Variants in KLF17 observed in about 807,000 individuals in gnomAD.
KLF17 encodes KLF transcription factor 17.
In KLF17, 31 loss-of-function variants were observed where a neutral mutation model predicts 34.2. That is an observed-to-expected ratio of 0.91 (90% confidence interval 0.68 to 1.22). KLF17 has a LOEUF of 1.22. KLF17 is among the 50% of genes most tolerant of loss of function. The pLI, the probability that KLF17 is intolerant of heterozygous loss-of-function variation, is 0.00. For synonymous variants in KLF17, 179 were observed against 186.7 expected (o/e 0.96, Z 0.34); for missense variants, 478 against 505.2 (o/e 0.95, Z 0.52).
intron 3 of KLF17, among the ~76,000 whole-genome samples, 170 bp downstream of exon 3, chr1:44,130,926 G>C (rs1373657336): frequency 6.6e-6 from 1 of 152,142 alleles, no homozygotes; most frequent in South Asian, 2.1e-4. Context: ...CTCCCGAGTA[G>C]CTAGGACTAC....
the KLF17 span, among the ~76,000 whole-genome samples, chr1:44,081,421 T>C: frequency 6.6e-6 from 1 of 151,526 alleles, no homozygotes; most frequent in Non-Finnish European, 1.5e-5. Flanking sequence ...ATGGTAGTTT[T>C]TTTTTTTTTT....
At chr1:44,076,080 C>T in the KLF17 span, 1 of 152,182 alleles carries the variant, frequency 6.6e-6, no homozygotes, top group Non-Finnish European at 1.5e-5. Flanking sequence ...GCCTTCTTTT[C>T]TCTTTCTAAG....
the KLF17 span, among the ~76,000 whole-genome samples, chr1:44,107,395 G>A: frequency 1.1e-4 from 17 of 152,266 alleles, no homozygotes; most frequent in South Asian, 2.9e-3. Flanking sequence ...GTGAGCCACC[G>A]CGCCTGGCTG....
chr1:44,090,000 A>T, the KLF17 span, among the ~76,000 whole-genome samples: 1 of 151,808 alleles, frequency 6.6e-6, no homozygotes, highest in African/African-American at 2.4e-5. Flanking sequence ...TGTCCCTACT[A>T]AAAATGCAAA....
chr1:44,080,186 C>T, the KLF17 span, among the ~76,000 whole-genome samples: 1 of 150,178 alleles, frequency 6.7e-6, no homozygotes. Flanking sequence ...CTTAGCCTCC[C>T]AAAGTGCTAA....
Position 44,133,949 on chromosome 1 carries a change from T to A in KLF17, c.*712T>A, listed in dbSNP as rs1178097779. 1.3e-5 allele frequency: 2 copies of A among 152,252 alleles called. No homozygotes were observed. The highest frequency in any genetic ancestry group is 4.8e-5 in the African/African-American group (2 of 41,438). 9.4% of individuals were successfully genotyped at this position (152,252 alleles called of 1,614,324 possible). ...AGTGTCTTTCTACCAGGGCACCAGA[T>A]CCCTTCCATGGAGCAGGTCATCTCG... On this transcript the variant is annotated 3_prime_UTR_variant, in exon 4 of 4. Transcript: ENST00000372299.
At chr1:44,086,330 G>C in the KLF17 span, among the ~76,000 whole-genome samples, 1 of 152,346 alleles carries the variant, frequency 6.6e-6, no homozygotes, top group Admixed American at 6.5e-5. Context: ...GCCAGGCGTG[G>C]TGGCGCATGC....
chr1:44,081,109 A>G, the KLF17 span, among the ~76,000 whole-genome samples: 1 of 151,714 alleles, frequency 6.6e-6, no homozygotes, highest in Non-Finnish European at 1.5e-5. Context: ...ATACCACTGT[A>G]AGATAGAGTA....
At chr1:44,076,641 C>T in the KLF17 span, 1 of 151,982 alleles carries the variant, frequency 6.6e-6, no homozygotes, top group Admixed American at 6.6e-5. Flanking sequence ...GGTTGGCTAA[C>T]TTTTCCTATG....
At chr1:44,099,831 A>G in the KLF17 span, among the ~76,000 whole-genome samples, 8 of 9,334 alleles carry the variant, frequency 8.6e-4, no homozygotes, top group Non-Finnish European at 1.3e-3. Flanking sequence ...AAAAAGAAGA[A>G]AGAAAGAAAG....
chr1:44,130,184 C>T lies in KLF17; in HGVS notation c.913C>T (p.Arg305Cys), dbSNP rs781319287. The stretch of plus-strand genomic sequence containing the variant: ...ACGCTCCCACCTCGTGAGCCACCAG[C>T]GCAAGCACACAGGTGAAGGAGGTGT... ...TKRSHLVSHQ[R>C]KHTGERPYSC... Residue 305 changes from arginine to cysteine, a missense_variant, in exon 2 of 4, where the codon CGC becomes TGC. Transcript: ENST00000372299. 11 of 1,611,188 alleles carry T rather than the reference C, an allele frequency of 6.8e-6. No homozygotes were observed. The highest frequency in any genetic ancestry group is 3.3e-5 in the South Asian group (3 of 90,738).
chr1:44,087,377 T>A, the KLF17 span, among the ~76,000 whole-genome samples: 1 of 151,766 alleles, frequency 6.6e-6, no homozygotes, highest in African/African-American at 2.4e-5. Flanking sequence ...TACCTCAGCC[T>A]CCCAAGTAGC....
the KLF17 span, among the ~76,000 whole-genome samples, chr1:44,059,954 A>G: frequency 6.6e-6 from 1 of 152,052 alleles, no homozygotes; most frequent in Non-Finnish European, 1.5e-5. Flanking sequence ...CTGGAAAACA[A>G]GACTGTTTGA....
the KLF17 span, among the ~76,000 whole-genome samples, chr1:44,109,238 G>T: frequency 1.3e-5 from 2 of 152,142 alleles, no homozygotes; most frequent in Non-Finnish European, 2.9e-5. Flanking sequence ...AGATTATAAA[G>T]ATTTAAATTA....
intron 1 of KLF17, among the ~76,000 whole-genome samples, chr1:44,127,352 G>A (rs563591814): frequency 4.6e-5 from 7 of 152,116 alleles, no homozygotes; most frequent in Non-Finnish European, 7.4e-5. Context: ...ATAGAAGCCC[G>A]TCCAGTGTCC....
At chr1:44,104,034 G>T in the KLF17 span, 1 of 866,960 alleles carries the variant, frequency 1.2e-6, no homozygotes, top group Non-Finnish European at 2.0e-6. Flanking sequence ...GTTGTCCATG[G>T]ACAGCACCAC....
At chr1:44,067,820 T>C in the KLF17 span, among the ~76,000 whole-genome samples, 10 of 144,648 alleles carry the variant, frequency 6.9e-5, no homozygotes, top group East Asian at 2.1e-3. Context: ...GGGGGAAGGG[T>C]GGGGATAACC....
chr1:44,090,684 CAGCGT>C, the KLF17 span, among the ~76,000 whole-genome samples: 2 of 152,090 alleles, frequency 1.3e-5, no homozygotes, highest in East Asian at 3.8e-4. Flanking sequence ...CTGAAAAGGG[CAGCGT>C]AGCCTCAAGG....
the KLF17 span, among the ~76,000 whole-genome samples, chr1:44,081,708 A>G: frequency 6.6e-6 from 1 of 152,134 alleles, no homozygotes; most frequent in African/African-American, 2.4e-5. Context: ...GGCATGAGCC[A>G]CTGCACTTGG....
Sources: allele counts gnomAD v4.1 joint callset (sites outside exome capture counted in the v4.1 genomes callset), GRCh38; gene constraint gnomAD v4.1.1; transcripts MANE v1.5; gene names NCBI Gene and HGNC (gene_info 2026-07-23, HGNC 2026-07-21).